Variants in ODAD2 observed in about 807,000 individuals in gnomAD.
The protein encoded by ODAD2 is outer dynein arm-docking complex subunit 2.
ODAD2 carries 89 observed loss-of-function variants against 106.8 expected under a neutral mutation model. The observed-to-expected ratio is 0.83, with a 90% confidence interval of 0.70 to 0.99. The LOEUF (loss-of-function observed/expected upper bound fraction) is 0.99. ODAD2 is among the 50% of genes least tolerant of loss of function. The probability of loss-of-function intolerance (pLI) is 0.00; values close to 1 mark genes in which losing one functional copy is unlikely to be tolerated. For missense variants in ODAD2, 1,168 were observed against 1,238.5 expected, an observed-to-expected ratio of 0.94 and a Z score of 0.85; for synonymous variants, 404 against 436.2, an observed-to-expected ratio of 0.93 and a Z score of 0.92.
chr10:27,953,288 T>C (rs1847494919), intron 10 of ODAD2, among the ~76,000 whole-genome samples: 1 of 152,208 alleles, frequency 6.6e-6, no homozygotes, highest in Non-Finnish European at 1.5e-5. Context: ...TGAAATTTTA[T>C]ACCCATTGAA....
chr10:27,879,992 C>CTTATCTT (rs1841594010), intron 17 of ODAD2, among the ~76,000 whole-genome samples: 1 of 152,156 alleles, frequency 6.6e-6, no homozygotes. Context: ...CAGATGTGGT[C>CTTATCTT]CGACAAGAGC....
chr10:27,939,992 C>T lies in ODAD2; in HGVS notation c.2002G>A (p.Ala668Thr), dbSNP rs1357606759. 1.2e-6 allele frequency: 2 copies of T among 1,606,786 alleles called. No individual in the cohort carries two copies. Among genetic ancestry groups the T allele is most frequent in the East Asian group, 4.5e-5 (2 of 44,158 alleles). ...TCAATGATCCTTTCTGCTTTGATTG[C>T]AGCCCGGTAGTTTTCCTAGGAATAA... ...ECASEENYRA[A>T]IKAERIIENL... Residue 668 changes from alanine to threonine, a missense_variant, in exon 14 of 20, where the codon GCA becomes ACA. By Grantham distance (58) the Ala-to-Thr change is moderately conservative. Around this residue, in one of 3 missense-constraint regions of ODAD2, gnomAD observed 701 missense variants for 712.3 expected, o/e 0.98. Coordinates refer to ENST00000305242, the MANE Select transcript of ODAD2 (RefSeq NM_018076.5).
At chr10:27,960,415 C>T (rs1199119652) in intron 10 of ODAD2, among the ~76,000 whole-genome samples, 1 of 150,446 alleles carries the variant, frequency 6.6e-6, no homozygotes, top group African/African-American at 2.4e-5. Flanking sequence ...GGCATGATCT[C>T]GGCTCACTGC....
At chr10:27,885,605 A>T (rs1158141989) in intron 17 of ODAD2, among the ~76,000 whole-genome samples, 92 of 71,212 alleles carry the variant, frequency 1.3e-3, no homozygotes, top group African/African-American at 4.4e-3. Flanking sequence ...TATATATATA[A>T]AATATATATA....
chr10:27,886,080 AG>A (rs1842201373), intron 17 of ODAD2, among the ~76,000 whole-genome samples: 1 of 150,524 alleles, frequency 6.6e-6, no homozygotes, highest in Non-Finnish European at 1.5e-5. Context: ...ACAAACAAAA[AG>A]AATGTGAGAA....
At chr10:27,882,208 A>AGAAAGAAG (rs1841776876) in intron 17 of ODAD2, among the ~76,000 whole-genome samples, 1 of 151,574 alleles carries the variant, frequency 6.6e-6, no homozygotes, top group Non-Finnish European at 1.5e-5. Flanking sequence ...AAAGAAAGAA[A>AGAAAGAAG]GAAAGAAAGA....
At chr10:27,958,831 A>G in intron 10 of ODAD2, 1 of 1,299,204 alleles carries the variant, frequency 7.7e-7, no homozygotes, top group East Asian at 5.6e-5. Context: ...GGGGTTAGTC[A>G]ACTCACCCAA....
At chr10:27,920,009 A>T (rs973860928) in intron 16 of ODAD2, among the ~76,000 whole-genome samples, 1 of 152,148 alleles carries the variant, frequency 6.6e-6, no homozygotes, top group African/African-American at 2.4e-5. Context: ...CCAAACAGAA[A>T]CAAAACTAAG....
rs183881395 is a variant in ODAD2, at chr10:27,946,207, A to G, written c.1387-1245T>C. On this transcript the variant is annotated intron_variant, in intron 10 of 19. Coordinates refer to ENST00000305242, the MANE Select transcript of ODAD2 (RefSeq NM_018076.5). ...AGTTTAAATATATTACATATAATAT[A>G]TAAATATAAAAAATACCAATATAAA... Among the ~76,000 whole-genome samples the G allele has an allele frequency of 1.5e-3, 228 of 148,334 alleles. 1 individual carries two copies. The highest frequency in any genetic ancestry group is 5.3e-3 in the African/African-American group (216 of 40,932).
chr10:27,956,306 C>T (rs182059219), intron 10 of ODAD2, among the ~76,000 whole-genome samples: 236 of 152,254 alleles, frequency 1.6e-3, no homozygotes, highest in Non-Finnish European at 2.7e-3. Flanking sequence ...TCCCCACTCT[C>T]CCACCTGGAC....
chr10:27,854,153 T>C (rs549397524), intron 19 of ODAD2, among the ~76,000 whole-genome samples: 8 of 152,086 alleles, frequency 5.3e-5, no homozygotes, highest in African/African-American at 1.7e-4. Flanking sequence ...ATTAGAAAAA[T>C]TGAAATTGAA....
intron 16 of ODAD2, among the ~76,000 whole-genome samples, chr10:27,909,805 G>A (rs1427588013): frequency 1.8e-5 from 2 of 111,914 alleles, no homozygotes; most frequent in Admixed American, 1.2e-4. Context: ...GCGACAAAGT[G>A]AGTCTTCATT....
At chr10:27,860,886 T>A in intron 18 of ODAD2, 40 bp from the exon 19 acceptor site, 1 of 1,551,544 alleles carries the variant, frequency 6.4e-7, no homozygotes, top group Non-Finnish European at 8.9e-7. Context: ...TGCATTGTAA[T>A]GACCCTGCAA....
chr10:27,962,136 T>C (rs1005277974), intron 9 of ODAD2, among the ~76,000 whole-genome samples: 42 of 152,176 alleles, frequency 2.8e-4, no homozygotes, highest in African/African-American at 1.0e-3. Context: ...GCAGGTGCAA[T>C]TGCTCTGGGT....
intron 19 of ODAD2, among the ~76,000 whole-genome samples, chr10:27,825,227 C>A (rs1836944564): frequency 6.6e-6 from 1 of 152,206 alleles, no homozygotes; most frequent in African/African-American, 2.4e-5. Flanking sequence ...CCATTACCAT[C>A]ACTGGTCTGA....
chr10:27,965,388 A>G (rs1848425664), intron 9 of ODAD2, among the ~76,000 whole-genome samples: 1 of 152,190 alleles, frequency 6.6e-6, no homozygotes, highest in Non-Finnish European at 1.5e-5. Context: ...AAAGGAGAGA[A>G]TGGAAGCTTT....
At chr10:27,898,173 C>G (rs1842973947) in intron 17 of ODAD2, among the ~76,000 whole-genome samples, 1 of 151,940 alleles carries the variant, frequency 6.6e-6, no homozygotes, top group Admixed American at 6.6e-5. Flanking sequence ...TTTTCAATGA[C>G]CATTGACAGT....
intron 10 of ODAD2, among the ~76,000 whole-genome samples, chr10:27,946,883 T>C (rs1267840966): frequency 1.3e-5 from 2 of 152,178 alleles, no homozygotes; most frequent in Non-Finnish European, 2.9e-5. Flanking sequence ...GATGTCAGCC[T>C]TTCTTCTTAC....
intron 16 of ODAD2, among the ~76,000 whole-genome samples, 187 bp downstream of exon 16, chr10:27,934,823 C>T (rs1845849912): frequency 6.6e-6 from 1 of 152,156 alleles, no homozygotes; most frequent in Admixed American, 6.6e-5. Context: ...CTTAGCCCTC[C>T]ATCTCATATG....
Sources: allele counts gnomAD v4.1 joint callset (sites outside exome capture counted in the v4.1 genomes callset), GRCh38; gene constraint gnomAD v4.1.1; regional missense constraint gnomAD v4.1.1; transcripts MANE v1.5; gene names NCBI Gene and HGNC (gene_info 2026-07-23, HGNC 2026-07-21).